The following TTLL4 variants were observed in gnomAD, a reference collection of about 807,000 sequenced individuals.
TTLL4 encodes the protein tubulin monoglutamylase TTLL4.
Under a neutral mutation model 122.7 loss-of-function variants are expected in TTLL4, and 85 were observed. The observed-to-expected ratio is 0.69, with a 90% CI of 0.58 to 0.83. The LOEUF (loss-of-function observed/expected upper bound fraction) is 0.83. Ranked by LOEUF, TTLL4 falls within the 40% of genes least tolerant of loss-of-function variation. TTLL4 has a pLI of 0.00. For missense variants in TTLL4, 1,363 were observed against 1,488.6 expected, an observed-to-expected ratio of 0.92 and a Z score of 1.39; for synonymous variants, 553 against 563.0, an observed-to-expected ratio of 0.98 and a Z score of 0.25.
At chr2:218,739,184 G>A in intron 3 of TTLL4, 21 bp downstream of exon 3, 1 of 1,599,810 alleles carries the variant, frequency 6.3e-7, no homozygotes, top group Non-Finnish European at 8.5e-7. Flanking sequence ...AATGTTTTTG[G>A]TTCATTTAGA....
chr2:218,751,437 A>G (rs1943011346), intron 15 of TTLL4, among the ~76,000 whole-genome samples: 1 of 152,178 alleles, frequency 6.6e-6, no homozygotes, highest in African/African-American at 2.4e-5. Flanking sequence ...TATATACCAC[A>G]ATAAGGCTTA....
At chr2:218,754,072 CTAAGGTAAAGTCTCAGT>C in intron 19 of TTLL4, 45 bp from the exon 20 acceptor site, 2 of 1,601,190 alleles carry the variant, frequency 1.2e-6, no homozygotes, top group Non-Finnish European at 1.7e-6. Context: ...AAGGCAAATC[CTAAGGTAAAGTCTCAGT>C]TAAACAGTGT....
At chr2:218,714,797 T>TG (rs142668709) in intron 1 of TTLL4, among the ~76,000 whole-genome samples, 2,253 of 152,078 alleles carry the variant, frequency 0.015, 44 homozygotes, top group African/African-American at 0.051. Context: ...TGTTTAGAGA[T>TG]GGGGTCTCAC....
rs1446574224 is a variant in TTLL4 at position 218,715,295 on chromosome 2, T to A, written c.-178+4258T>A. Among the ~76,000 whole-genome samples, 3 of 152,200 alleles carry A rather than the reference T, an allele frequency of 2.0e-5. No individual in the cohort carries two copies. In the East Asian group the frequency reaches 5.8e-4, roughly 29 times the overall value. On this transcript the variant is annotated intron_variant, in intron 1 of 19. Transcript: ENST00000392102. ...GTATTTCAGTAGTCTTCTCAGATAG[T>A]TGTGGGTATTGGTACTATGCAAAAC...
At position 218,720,865 on chromosome 2, in the gene TTLL4, G is replaced by A. The variant is rs186961768; in HGVS notation, c.-177-6404G>A. ...AGAGAACCAACCATGTGATTAGAGG[G>A]TTGGAACTTTCAGTTCCATCCCCCA... On this transcript the variant is annotated intron_variant, in intron 1 of 19. Transcript: ENST00000392102. Among the ~76,000 whole-genome samples the A allele has an allele frequency of 5.9e-5, 9 of 152,228 alleles. No individual in the cohort carries two copies. The East Asian group carries it at 1.7e-3, about 29-fold the overall frequency.
chr2:218,758,851 A>C (rs1013022266), downstream of TTLL4, among the ~76,000 whole-genome samples: 3 of 152,244 alleles, frequency 2.0e-5, no homozygotes, highest in Non-Finnish European at 4.4e-5. Context: ...ATAGCAGCTT[A>C]TTCATAGTAG....
intron 5 of TTLL4, among the ~76,000 whole-genome samples, chr2:218,742,225 C>T (rs754105760): frequency 5.3e-5 from 8 of 152,160 alleles, no homozygotes; most frequent in Admixed American, 1.3e-4. Context: ...TTGCTTTAGC[C>T]TCCCAAAGCA....
intron 2 of TTLL4, among the ~76,000 whole-genome samples, chr2:218,730,357 A>AAAT (rs1942344003): frequency 7.0e-6 from 1 of 142,762 alleles, no homozygotes; most frequent in Non-Finnish European, 1.5e-5. Flanking sequence ...AAAGAAAAAA[A>AAAT]ATTAGCTGGG....
intron 1 of TTLL4, among the ~76,000 whole-genome samples, chr2:218,722,356 C>CTT (rs11380889): frequency 0.014 from 1,988 of 147,008 alleles, 47 homozygotes; most frequent in African/African-American, 0.046. Flanking sequence ...CTTTGTTCAT[C>CTT]TTTTTTTTTT....
In TTLL4 at chr2:218,747,656, A is replaced by C; in HGVS notation, c.2309A>C (p.Tyr770Ser). The change falls in exon 11 of 20, where the codon TAT becomes TCT. Residue 770 changes from tyrosine to serine, a missense_variant. Tyr to Ser is a moderately radical substitution (Grantham distance 144). Around this residue, in one of 3 missense-constraint regions of TTLL4, gnomAD observed 596 missense variants for 655.8 expected, o/e 0.91. Coordinates refer to ENST00000392102, the MANE Select transcript of TTLL4 (RefSeq NM_014640.5). This position sits in a 1 kb window ranked among gnomAD's most constrained non-coding sequence, Gnocchi z 4.7. Reference protein sequence around the residue: ...GSKFDLRIYVYVTSYDPLRIY... With the variant: ...GSKFDLRIYVSVTSYDPLRIY... ...AAGTTTGACCTGCGGATCTATGTTT[A>C]TGTCACTTCCTACGATCCTCTGCGG... 1 of 1,614,128 alleles carries C rather than the reference A, an allele frequency of 6.2e-7. No individual in the cohort carries two copies. Among genetic ancestry groups the C allele is most frequent in the Non-Finnish European group, 8.5e-7 (1 of 1,180,018 alleles).
intron 16 of TTLL4, among the ~76,000 whole-genome samples, chr2:218,752,481 G>A (rs776136890): frequency 1.3e-5 from 2 of 152,194 alleles, no homozygotes; most frequent in Non-Finnish European, 2.9e-5. Flanking sequence ...AATCTGAATT[G>A]CTGGATCCTC....
intron 2 of TTLL4, among the ~76,000 whole-genome samples, chr2:218,730,349 A>G (rs1575166696): frequency 8.7e-6 from 1 of 114,772 alleles, no homozygotes; most frequent in Non-Finnish European, 1.9e-5. Context: ...AAAAAAAAAA[A>G]GAAAAAAAAT....
chr2:218,728,549 C>G (rs1403722242), intron 2 of TTLL4, among the ~76,000 whole-genome samples: 1 of 152,214 alleles, frequency 6.6e-6, no homozygotes, highest in African/African-American at 2.4e-5. Flanking sequence ...GCCTGGTTTC[C>G]TAACAGGCCA....
chr2:218,740,552 C>T lies in TTLL4; in HGVS notation c.1629C>T (p.Val543=). 1 of 1,614,168 alleles carries T rather than the reference C, an allele frequency of 6.2e-7. No individual in the cohort carries two copies. The highest frequency in any genetic ancestry group is 8.5e-7 in the Non-Finnish European group (1 of 1,180,024). The change falls in exon 5 of 20, where the codon GTC becomes GTT. Residue 543 remains valine (V), a synonymous_variant. Coordinates refer to ENST00000392102, the MANE Select transcript of TTLL4 (RefSeq NM_014640.5). ...CAGAGTGCTCCTCATTAAGTGCTGT[C>T]TCCCCCAGCGAATCGGTGGCCATGA... The part of the protein sequence containing the change: ...GDSECSSLSA[V]SPSESVAMIS...
chr2:218,739,680 T>C (rs1942644331), intron 3 of TTLL4, among the ~76,000 whole-genome samples: 1 of 152,254 alleles, frequency 6.6e-6, no homozygotes, highest in African/African-American at 2.4e-5. Context: ...CTGTTGTGTT[T>C]TGTTATTTTC....
chr2:218,738,984 C>T lies in TTLL4; in HGVS notation c.1308C>T (p.Ala436=), dbSNP rs750020078. 1 of 1,614,096 alleles carries T rather than the reference C, an allele frequency of 6.2e-7. No individual in the cohort carries two copies. The highest frequency in any genetic ancestry group is 8.5e-7 in the Non-Finnish European group (1 of 1,180,048). The stretch of plus-strand genomic sequence containing the variant: ...CCAGTGGGCTCAATCACAACCCTGC[C>T]TGTGAATCTGTAATTGACTCCTCAG... ...SHASGLNHNP[A]CESVIDSSAF... The change falls in exon 3 of 20, where the codon GCC becomes GCT. Residue 436 remains alanine, a synonymous_variant. Coordinates refer to ENST00000392102, the MANE Select transcript of TTLL4 (RefSeq NM_014640.5).
chr2:218,759,100 T>G (rs532669114), downstream of TTLL4, among the ~76,000 whole-genome samples: 1 of 151,972 alleles, frequency 6.6e-6, no homozygotes, highest in African/African-American at 2.4e-5. Context: ...CAACATTAGC[T>G]GGGCATGGTG....
chr2:218,721,069 C>T (rs1004922824), intron 1 of TTLL4, among the ~76,000 whole-genome samples: 3 of 152,166 alleles, frequency 2.0e-5, no homozygotes. Flanking sequence ...AGCCCTTTTC[C>T]CCATCCCTTG....
At chr2:218,736,768 T>C (rs1942536754) in intron 2 of TTLL4, among the ~76,000 whole-genome samples, 1 of 152,074 alleles carries the variant, frequency 6.6e-6, no homozygotes, top group Non-Finnish European at 1.5e-5. Flanking sequence ...TTGTCCTATT[T>C]AACCATGAAA....
Sources: gnomAD v4.1 joint callset for allele counts (sites outside exome capture counted in the v4.1 genomes callset) on GRCh38, gnomAD v4.1.1 for gene constraint, gnomAD v4.1.1 regional missense constraint, Gnocchi (gnomAD v3.1) non-coding constraint, MANE v1.5 for transcripts, NCBI Gene and HGNC (gene_info 2026-07-23, HGNC 2026-07-21) for gene names.